Variants in POTEF observed in about 807,000 individuals in gnomAD.
POTEF encodes the protein POTE ankyrin domain family member F.
A neutral mutation model predicts 83.2 loss-of-function variants in POTEF; 20 were observed. The ratio of observed to expected loss-of-function variants is 0.24; its 90% CI spans 0.17 to 0.35. The LOEUF (loss-of-function observed/expected upper bound fraction) is 0.35. Among genes scored for constraint, POTEF ranks in the 10% least tolerant of loss-of-function variants. The probability of loss-of-function intolerance (pLI) is 1.00; values close to 1 mark genes in which losing one functional copy is unlikely to be tolerated. For synonymous variants in POTEF, 196 were observed against 446.4 expected (o/e 0.44, Z 7.07); for missense variants, 550 against 1,203.2 (o/e 0.46, Z 8.03).
chr2:130,128,242 G>T (rs1397023513), intron 1 of POTEF, among the ~76,000 whole-genome samples: 2 of 150,532 alleles, frequency 1.3e-5, no homozygotes, highest in African/African-American at 4.9e-5. Context: ...GTCCCAGGTG[G>T]TCTCCCCAAC....
intron 3 of POTEF, 33 bp downstream of exon 3, chr2:130,119,962 C>T (rs1285851449): frequency 3.6e-6 from 5 of 1,390,282 alleles, no homozygotes; most frequent in Admixed American, 4.7e-5. Context: ...CATCCCCCCA[C>T]GTCCCACCTC....
At chr2:130,076,008 G>C (rs1409316807) in intron 16 of POTEF, among the ~76,000 whole-genome samples, 1 of 132,924 alleles carries the variant, frequency 7.5e-6, no homozygotes, top group African/African-American at 2.8e-5. Flanking sequence ...CATCCTAAGA[G>C]CCTTAGCTAT....
intron 12 of POTEF, among the ~76,000 whole-genome samples, chr2:130,092,929 T>C (rs534822328): frequency 1.2e-5 from 1 of 84,996 alleles, no homozygotes; most frequent in Non-Finnish European, 2.3e-5. Context: ...CCACGGTCTG[T>C]GAGGAACCAC....
chr2:130,110,132 G>A lies in POTEF; in HGVS notation c.1055+411C>T, dbSNP rs543709042. 4.3e-3 allele frequency among the ~76,000 whole-genome samples: 652 copies of A among 151,498 alleles called. 7 individuals are homozygous for A. The highest frequency in any genetic ancestry group is 5.5e-3 in the Non-Finnish European group (373 of 67,970). ...TTCCTTGGATTTAGTGAACTCCTTC[G>A]GTTCTTGAAAAATTCAAGGAGTATG... On this transcript the variant is annotated intron_variant, in intron 7 of 16. Coordinates refer to ENST00000409914, the MANE Select transcript of POTEF (RefSeq NM_001099771.2).
intron 8 of POTEF, among the ~76,000 whole-genome samples, chr2:130,107,011 A>G (rs1684554074): frequency 6.7e-6 from 1 of 149,876 alleles, no homozygotes; most frequent in South Asian, 2.1e-4. Context: ...CTAACTTACA[A>G]AAGCTCTTTG....
intron 1 of POTEF, among the ~76,000 whole-genome samples, chr2:130,128,771 A>C (rs1685165305): frequency 1.6e-5 from 2 of 127,302 alleles, no homozygotes; most frequent in East Asian, 2.5e-4. Context: ...CCAAATAACC[A>C]CCAAAACCAC....
rs528109706 is a variant in POTEF, at chr2:130,120,605, C to T, written c.-90G>A. ...CAACTAGCAGGTAACTCCGGGTTTCCAATCTGTTTGAAGAGAAAAGTCAAT... is the reference window on the plus strand; with the variant it reads ...CAACTAGCAGGTAACTCCGGGTTTCTAATCTGTTTGAAGAGAAAAGTCAAT... On this transcript the variant is annotated 5_prime_UTR_variant, in exon 3 of 17. Transcript: ENST00000409914. 4.5e-3 allele frequency: 7,180 copies of T among 1,592,982 alleles called. 33 individuals are homozygous for T. Among genetic ancestry groups the T allele is most frequent in the Middle Eastern group, 0.021 (92 of 4,384 alleles).
At chr2:130,128,053 T>G (rs1685142133) in intron 1 of POTEF, among the ~76,000 whole-genome samples, 189 bp from the exon 2 acceptor site, 2 of 142,604 alleles carry the variant, frequency 1.4e-5, no homozygotes, top group South Asian at 4.6e-4. Context: ...CCCATCCAGG[T>G]GCAACTGGCC....
rs866976628 is a variant in POTEF, at chr2:130,120,408, C to T, written c.108G>A (p.Arg36=). The part of the protein sequence containing the change: ...KWCCRCFPCC[R]ESGKSNVGTS... ...TGCCCACGTTGCTCTTGCCGCTCTC[C>T]CTGCAGCAGGGGAAGCAACGGCAGC... The change falls in exon 3 of 17, where the codon AGG becomes AGA. Residue 36 remains arginine, a synonymous_variant. Coordinates refer to ENST00000409914, the MANE Select transcript of POTEF (RefSeq NM_001099771.2). 6.2e-7 allele frequency: 1 copy of T among 1,613,106 alleles called. No individual in the cohort carries two copies. The highest frequency in any genetic ancestry group is 1.7e-4 in the Middle Eastern group (1 of 6,046).
chr2:130,101,886 GTTT>G (rs1266634552), intron 9 of POTEF, among the ~76,000 whole-genome samples: 1 of 137,794 alleles, frequency 7.3e-6, no homozygotes, highest in South Asian at 2.4e-4. Context: ...TAGTGGTTAT[GTTT>G]TTTAAGTTAA....
In POTEF at chr2:130,115,562, G is replaced by A. The variant is rs1469108177; in HGVS notation, c.522-234C>T. 1.5e-4 allele frequency among the ~76,000 whole-genome samples: 23 copies of A among 152,046 alleles called. No individual in the cohort carries two copies. In the East Asian group the frequency reaches 3.4e-3, roughly 22 times the overall value. On this transcript the variant is annotated intron_variant, in intron 3 of 16. Transcript: ENST00000409914. ...TAGCCCTTGGATGACATTCAACGTG[G>A]GCTGGAATCCTACTTGAAGCTCTGT...
chr2:130,076,701 A>G (rs1421567814), intron 16 of POTEF, among the ~76,000 whole-genome samples: 3 of 147,614 alleles, frequency 2.0e-5, no homozygotes, highest in Non-Finnish European at 4.5e-5. Context: ...TACATTTCCT[A>G]CTTTCTTATC....
chr2:130,104,628 G>A (rs1429450553), intron 8 of POTEF, among the ~76,000 whole-genome samples: 3 of 151,650 alleles, frequency 2.0e-5, no homozygotes, highest in Admixed American at 1.3e-4. Flanking sequence ...CTCTAGGACT[G>A]AATTTGCTGT....
chr2:130,122,597 C>T (rs951004826), intron 2 of POTEF, among the ~76,000 whole-genome samples: 17 of 150,264 alleles, frequency 1.1e-4, no homozygotes, highest in African/African-American at 3.0e-4. Context: ...AATTTGACAG[C>T]GGTTGCATTT....
At chr2:130,092,673 A>G (rs1382581260) in intron 12 of POTEF, among the ~76,000 whole-genome samples, 4 of 112,088 alleles carry the variant, frequency 3.6e-5, no homozygotes, top group Non-Finnish European at 7.0e-5. Flanking sequence ...TACTGTTATC[A>G]TGACAATTAA....
At chr2:130,115,429 T>C (rs1684822317) in intron 3 of POTEF, 101 bp from the exon 4 acceptor site, 2 of 1,184,906 alleles carry the variant, frequency 1.7e-6, no homozygotes, top group Non-Finnish European at 2.4e-6. Flanking sequence ...GCTATTACTC[T>C]GCCTTCAAAA....
intron 7 of POTEF, chr2:130,109,699 C>T (rs1230114990): frequency 1.3e-5 from 2 of 150,706 alleles, no homozygotes; most frequent in South Asian, 2.1e-4. Flanking sequence ...GCCCACCTAA[C>T]ATCTGCCAGA....
Position 130,083,331 on chromosome 2 carries a change from T to C in POTEF, c.1778+2483A>G, listed in dbSNP as rs1485263080. On this transcript the variant is annotated intron_variant, in intron 15 of 16. Transcript: ENST00000409914. Reference sequence around the variant, plus strand: ...GCCTGGGGGACAAAGTGAGACTCTGTCTTAAAAAAAAAAAAATTATGAGAA... The same window carrying C: ...GCCTGGGGGACAAAGTGAGACTCTGCCTTAAAAAAAAAAAAATTATGAGAA... Among the ~76,000 whole-genome samples the C allele has an allele frequency of 3.9e-5, 6 of 152,038 alleles. No homozygotes were observed. In the East Asian group the frequency reaches 7.7e-4, roughly 20 times the overall value.
Position 130,074,022 on chromosome 2 carries a change from C to G in POTEF, c.*222G>C, listed in dbSNP as rs1683697366. The G allele has an allele frequency of 2.1e-6, 2 of 952,312 alleles. No individual in the cohort carries two copies. Among genetic ancestry groups the G allele is most frequent in the Admixed American group, 2.9e-5 (1 of 34,560 alleles). The allele number at this position is 952,312 out of a possible 1,614,324, so 59.0% of individuals were successfully genotyped here. On this transcript the variant is annotated 3_prime_UTR_variant, in exon 17 of 17. Coordinates refer to ENST00000409914, the MANE Select transcript of POTEF (RefSeq NM_001099771.2). ...GACTATTGAAAAGAAGAACAAGGTA[C>G]AATCAAAGTCCTTGGCCACATTGTA...
Sources: allele counts gnomAD v4.1 joint callset (sites outside exome capture counted in the v4.1 genomes callset), GRCh38; gene constraint gnomAD v4.1.1; transcripts MANE v1.5; gene names NCBI Gene and HGNC (gene_info 2026-07-23, HGNC 2026-07-21).